The following ADCY2 variants were observed in gnomAD, a reference collection of about 807,000 sequenced individuals.
ADCY2 encodes adenylate cyclase type 2.
A neutral mutation model predicts 125.2 loss-of-function variants in ADCY2; 31 were observed. The observed-to-expected ratio is 0.25, with a 90% confidence interval of 0.19 to 0.33. The LOEUF is 0.33. ADCY2 is among the 10% of genes least tolerant of loss of function. The pLI is 1.00. For synonymous variants in ADCY2, 512 were observed against 548.4 expected (o/e 0.93, Z 0.93); for missense variants, 904 against 1,418.2 (o/e 0.64, Z 5.82).
intron 2 of ADCY2, among the ~76,000 whole-genome samples, chr5:7,424,471 G>C (rs1184102870): frequency 6.6e-6 from 1 of 152,248 alleles, no homozygotes; most frequent in Non-Finnish European, 1.5e-5. Context: ...GATGCCCACT[G>C]TCATTGGTGA....
chr5:7,581,915 C>T (rs907449124), intron 3 of ADCY2, among the ~76,000 whole-genome samples: 2 of 151,938 alleles, frequency 1.3e-5, no homozygotes, highest in Admixed American at 6.6e-5. Flanking sequence ...AAAATATTAG[C>T]CCTAAATCTA....
At chr5:7,699,183 C>T (rs1271416429) in intron 7 of ADCY2, among the ~76,000 whole-genome samples, 5 of 137,340 alleles carry the variant, frequency 3.6e-5, no homozygotes, top group Non-Finnish European at 7.7e-5. Context: ...CTGCAAGCTC[C>T]GCCTCCCGGG....
intron 22 of ADCY2, among the ~76,000 whole-genome samples, chr5:7,812,874 C>T (rs1287923607): frequency 6.6e-6 from 1 of 152,144 alleles, no homozygotes; most frequent in South Asian, 2.1e-4. Flanking sequence ...GGTGCCAGTG[C>T]ACTCCAGCCT....
At chr5:7,419,005 A>G (rs1300266011) in intron 2 of ADCY2, among the ~76,000 whole-genome samples, 3 of 152,128 alleles carry the variant, frequency 2.0e-5, no homozygotes, top group African/African-American at 7.2e-5. Flanking sequence ...ATTAGCCATT[A>G]GGAAGTGTTG....
At chr5:7,579,266 A>G (rs1736348523) in intron 3 of ADCY2, among the ~76,000 whole-genome samples, 1 of 152,228 alleles carries the variant, frequency 6.6e-6, no homozygotes. Context: ...TTCTCTTTTT[A>G]TAGATTTTGG....
chr5:7,686,403 A>G (rs760161496), intron 4 of ADCY2, among the ~76,000 whole-genome samples: 4 of 152,200 alleles, frequency 2.6e-5, no homozygotes, highest in Non-Finnish European at 2.9e-5. Context: ...TTCTAAGAAA[A>G]ATGTATTGCT....
intron 7 of ADCY2, among the ~76,000 whole-genome samples, chr5:7,704,115 G>T (rs551046257): frequency 6.6e-6 from 1 of 152,170 alleles, no homozygotes; most frequent in South Asian, 2.1e-4. Flanking sequence ...TCTCTCCCAT[G>T]CAAGGATGTG....
rs754571693 is a variant in ADCY2 at position 7,766,773 on chromosome 5, G to C, written c.2181G>C (p.Ala727=). The stretch of plus-strand genomic sequence containing the variant: ...TTTCAGCCTCAAATAATCAGGTGGC[G>C]ATTCTGCGTGCGCAGAATTTATTTT... ...TSFSASNNQV[A]ILRAQNLFFL... The change falls in exon 17 of 25, where the codon GCG becomes GCC. Residue 727 remains alanine (A), a synonymous_variant. Coordinates refer to ENST00000338316, the MANE Select transcript of ADCY2 (RefSeq NM_020546.3). The C allele has an allele frequency of 1.9e-6, 3 of 1,611,096 alleles. No homozygotes were observed. Among genetic ancestry groups the C allele is most frequent in the East Asian group, 2.2e-5 (1 of 44,866 alleles).
chr5:7,447,078 G>A (rs934380937), intron 2 of ADCY2, among the ~76,000 whole-genome samples: 1 of 151,902 alleles, frequency 6.6e-6, no homozygotes, highest in African/African-American at 2.4e-5. Context: ...TCACAGTTAC[G>A]CTGTCTGTCA....
intron 20 of ADCY2, among the ~76,000 whole-genome samples, chr5:7,792,514 C>A (rs763255240): frequency 6.6e-6 from 1 of 152,144 alleles, no homozygotes; most frequent in Admixed American, 6.5e-5. Context: ...CTGTGGGGAG[C>A]ACAGAAGGTA....
intron 3 of ADCY2, among the ~76,000 whole-genome samples, chr5:7,620,204 A>C (rs1040805692): frequency 6.6e-6 from 1 of 152,220 alleles, no homozygotes; most frequent in African/African-American, 2.4e-5. Flanking sequence ...AAAAAGACTT[A>C]ATAGCAACAG....
chr5:7,437,512 T>C (rs149663162), intron 2 of ADCY2, among the ~76,000 whole-genome samples: 3 of 152,368 alleles, frequency 2.0e-5, no homozygotes, highest in East Asian at 3.9e-4. Context: ...AAACCACTTG[T>C]CCTCAGTTTC....
chr5:7,738,963 G>A (rs1427084540), intron 14 of ADCY2, among the ~76,000 whole-genome samples: 5 of 151,698 alleles, frequency 3.3e-5, no homozygotes, highest in Admixed American at 1.3e-4. Flanking sequence ...ACAAATCTAC[G>A]TCAGAATTAG....
rs1019802470 is a variant in ADCY2, at chr5:7,709,875, A to G, written c.1578+488A>G. Among the ~76,000 whole-genome samples, 11 of 152,190 alleles carry G rather than the reference A, an allele frequency of 7.2e-5. No individual in the cohort carries two copies. Among genetic ancestry groups the G allele is most frequent in the African/African-American group, 2.7e-4 (11 of 41,452 alleles). ...TTCCCTGTGACCTCCAGCATATGAG[A>G]AAGCTCCTTACACCAGGGACATCTG... On this transcript the variant is annotated intron_variant, in intron 10 of 24. Coordinates refer to ENST00000338316, the MANE Select transcript of ADCY2 (RefSeq NM_020546.3). The surrounding 1 kb of genome is among the most constrained non-coding windows in gnomAD (Gnocchi z 4.4).
At chr5:7,519,392 A>G (rs1431891264) in intron 2 of ADCY2, among the ~76,000 whole-genome samples, 2 of 152,156 alleles carry the variant, frequency 1.3e-5, no homozygotes, top group Non-Finnish European at 2.9e-5. Context: ...CGTCCCCTTC[A>G]GGTGACACAG....
chr5:7,685,567 A>G (rs184170898), intron 4 of ADCY2, among the ~76,000 whole-genome samples: 74 of 152,350 alleles, frequency 4.9e-4, no homozygotes, highest in Non-Finnish European at 8.4e-4. Context: ...TTCAAATAGT[A>G]AGAGTAAGAG....
At chr5:7,781,233 A>G (rs1436771763) in intron 18 of ADCY2, among the ~76,000 whole-genome samples, 1 of 152,156 alleles carries the variant, frequency 6.6e-6, no homozygotes, top group Non-Finnish European at 1.5e-5. Context: ...CTCATACCCA[A>G]CTAGCTGTGC....
intron 2 of ADCY2, among the ~76,000 whole-genome samples, chr5:7,492,287 C>T (rs375348753): frequency 1.3e-3 from 195 of 152,196 alleles, no homozygotes; most frequent in South Asian, 2.5e-3. Context: ...GGTGGAGGTG[C>T]GATTGTAAAG....
At chr5:7,612,830 C>T (rs548910889) in intron 3 of ADCY2, among the ~76,000 whole-genome samples, 1 of 152,240 alleles carries the variant, frequency 6.6e-6, no homozygotes, top group South Asian at 2.1e-4. Flanking sequence ...TCATGGCTAA[C>T]ACGGTGAAAC....
Sources: gnomAD v4.1 joint callset for allele counts (sites outside exome capture counted in the v4.1 genomes callset) on GRCh38, gnomAD v4.1.1 for gene constraint, Gnocchi (gnomAD v3.1) non-coding constraint, MANE v1.5 for transcripts, NCBI Gene and HGNC (gene_info 2026-07-23, HGNC 2026-07-21) for gene names.